The following RNF144A variants were observed in gnomAD, a reference collection of about 807,000 sequenced individuals.
RNF144A encodes the protein E3 ubiquitin-protein ligase RNF144A.
A neutral mutation model predicts 38.7 loss-of-function variants in RNF144A; 11 were observed. The ratio of observed to expected loss-of-function variants is 0.28; its 90% CI spans 0.18 to 0.47. The LOEUF (loss-of-function observed/expected upper bound fraction) is 0.47, where lower values mean the gene tolerates loss of function less well. Among genes scored for constraint, RNF144A ranks in the 20% least tolerant of loss-of-function variants. RNF144A has a pLI of 0.99. For synonymous variants in RNF144A, 149 were observed against 143.9 expected, an observed-to-expected ratio of 1.04 and a Z score of -0.25; for missense variants, 316 against 377.2, an observed-to-expected ratio of 0.84 and a Z score of 1.34.
chr2:7,019,998 A>G (rs1383705892), intron 5 of RNF144A, among the ~76,000 whole-genome samples: 1 of 152,228 alleles, frequency 6.6e-6, no homozygotes, highest in Non-Finnish European at 1.5e-5. Context: ...GTCTTCTAGC[A>G]GCATTTTCCT....
chr2:6,922,831 A>G (rs771279), intron 1 of RNF144A, among the ~76,000 whole-genome samples: 78,566 of 151,782 alleles, frequency 0.52, 20,690 homozygotes, highest in Non-Finnish European at 0.56. Flanking sequence ...TCACTGTGTT[A>G]GCCAGGATGG....
At chr2:6,956,901 C>A (rs1353419224) in intron 2 of RNF144A, among the ~76,000 whole-genome samples, 1 of 152,184 alleles carries the variant, frequency 6.6e-6, no homozygotes, top group African/African-American at 2.4e-5. Context: ...TGTAGAAAAT[C>A]ATGTGAAAAT....
chr2:7,037,424 T>C lies in RNF144A; in HGVS notation c.748-2205T>C, dbSNP rs141839887. On this transcript the variant is annotated intron_variant, in intron 8 of 8. Coordinates refer to ENST00000320892, the MANE Select transcript of RNF144A (RefSeq NM_014746.6). Reference sequence around the variant, plus strand: ...CAGTTGTGTGCCAGGTAGTCGAGGTTGCTCAAAATTTCCCTTCAAATAGGG... The same window carrying C: ...CAGTTGTGTGCCAGGTAGTCGAGGTCGCTCAAAATTTCCCTTCAAATAGGG... Among the ~76,000 whole-genome samples, 644 of 152,368 alleles carry C rather than the reference T, an allele frequency of 4.2e-3. 9 individuals are homozygous for C. Among genetic ancestry groups the C allele is most frequent in the African/African-American group, 0.014 (602 of 41,596 alleles).
intron 1 of RNF144A, among the ~76,000 whole-genome samples, chr2:6,930,020 A>G (rs1464679352): frequency 1.3e-5 from 2 of 152,230 alleles, no homozygotes; most frequent in Non-Finnish European, 2.9e-5. Context: ...AAGATGCATT[A>G]TTTTTATTTG....
chr2:6,928,797 G>A (rs1209150737), intron 1 of RNF144A, among the ~76,000 whole-genome samples: 3 of 152,282 alleles, frequency 2.0e-5, no homozygotes, highest in Non-Finnish European at 2.9e-5. Flanking sequence ...GGGCTTCCCT[G>A]TGAACTTCCT....
intron 3 of RNF144A, among the ~76,000 whole-genome samples, chr2:7,002,301 T>G (rs1670159115): frequency 6.6e-6 from 1 of 152,158 alleles, no homozygotes; most frequent in Admixed American, 6.5e-5. Context: ...CCTGGGTACG[T>G]AGGTAAGACA....
intron 1 of RNF144A, among the ~76,000 whole-genome samples, chr2:6,933,458 G>T (rs965520776): frequency 3.9e-5 from 6 of 152,178 alleles, no homozygotes; most frequent in Non-Finnish European, 7.3e-5. Flanking sequence ...TTTTAATTTA[G>T]AGCTTGCAAT....
intron 1 of RNF144A, among the ~76,000 whole-genome samples, chr2:6,922,041 C>G (rs905668292): frequency 2.6e-5 from 4 of 152,168 alleles, no homozygotes; most frequent in Admixed American, 6.5e-5. Context: ...AAGGTCCCAT[C>G]AGTGCATTTT....
At chr2:6,937,794 A>G (rs1197086501) in intron 1 of RNF144A, among the ~76,000 whole-genome samples, 3 of 152,186 alleles carry the variant, frequency 2.0e-5, no homozygotes, top group African/African-American at 7.2e-5. Context: ...AGACATTGGC[A>G]TTAAAGGCTT....
chr2:6,947,961 C>T (rs1666445433), intron 2 of RNF144A, among the ~76,000 whole-genome samples: 1 of 152,182 alleles, frequency 6.6e-6, no homozygotes, highest in African/African-American at 2.4e-5. Flanking sequence ...CAGATGTTAG[C>T]CACTCACATG....
At chr2:6,932,334 A>C (rs1665258882) in intron 1 of RNF144A, among the ~76,000 whole-genome samples, 1 of 152,214 alleles carries the variant, frequency 6.6e-6, no homozygotes, top group African/African-American at 2.4e-5. Flanking sequence ...GGACAATGCA[A>C]CATGTAGTTG....
chr2:6,994,229 A>G (rs1467772797), intron 2 of RNF144A, among the ~76,000 whole-genome samples: 1 of 152,134 alleles, frequency 6.6e-6, no homozygotes, highest in Non-Finnish European at 1.5e-5. Flanking sequence ...AGAGCAGCCA[A>G]TTGCCAGCTA....
chr2:6,966,111 C>G (rs1328882923), intron 2 of RNF144A, among the ~76,000 whole-genome samples: 1 of 152,196 alleles, frequency 6.6e-6, no homozygotes, highest in African/African-American at 2.4e-5. Context: ...TTTAAATAGA[C>G]TGTGTGAGTA....
At chr2:6,979,498 T>G (rs532102354) in intron 2 of RNF144A, among the ~76,000 whole-genome samples, 3 of 152,330 alleles carry the variant, frequency 2.0e-5, no homozygotes, top group African/African-American at 7.2e-5. Context: ...AAACAGACAT[T>G]CTTCTCAGGT....
intron 1 of RNF144A, among the ~76,000 whole-genome samples, chr2:6,927,384 GT>G (rs1222621655): frequency 6.6e-6 from 1 of 152,022 alleles, no homozygotes; most frequent in Admixed American, 6.6e-5. Context: ...CAGTGACCTT[GT>G]TTTTTTTCTG....
intron 7 of RNF144A, among the ~76,000 whole-genome samples, chr2:7,029,223 G>A (rs1048199156): frequency 3.3e-5 from 5 of 152,206 alleles, no homozygotes; most frequent in Non-Finnish European, 5.9e-5. Context: ...TTGCCCCTCC[G>A]TGGCACCATG....
intron 3 of RNF144A, among the ~76,000 whole-genome samples, chr2:6,997,877 T>C (rs554787718): frequency 6.6e-6 from 1 of 152,340 alleles, no homozygotes; most frequent in Admixed American, 6.5e-5. Flanking sequence ...TACAGCATGA[T>C]AATTATAGTT....
At chr2:7,001,804 C>T (rs1051085741) in intron 3 of RNF144A, among the ~76,000 whole-genome samples, 4 of 152,186 alleles carry the variant, frequency 2.6e-5, no homozygotes, top group African/African-American at 7.2e-5. Context: ...GGTTGAGTTG[C>T]GTGGCTGAAC....
chr2:6,924,973 T>C (rs1259995381), intron 1 of RNF144A, among the ~76,000 whole-genome samples: 2 of 152,224 alleles, frequency 1.3e-5, no homozygotes, highest in Non-Finnish European at 1.5e-5. Flanking sequence ...GGGCTGGCTC[T>C]TTGACGGATG....
Sources: allele counts gnomAD v4.1 joint callset (sites outside exome capture counted in the v4.1 genomes callset), GRCh38; gene constraint gnomAD v4.1.1; transcripts MANE v1.5; gene names NCBI Gene and HGNC (gene_info 2026-07-23, HGNC 2026-07-21).